The following BABAM2 variants were observed in gnomAD, a reference collection of about 807,000 sequenced individuals.
The protein encoded by BABAM2 is BRISC and BRCA1 A complex member 2, also known as BRISC and BRCA1-A complex member 2.
A neutral mutation model predicts 54.7 loss-of-function variants in BABAM2; 31 were observed. That is an observed-to-expected ratio of 0.57 (90% confidence interval 0.43 to 0.77). The LOEUF is 0.77. BABAM2 is among the 30% of genes least tolerant of loss of function. The pLI, the probability that BABAM2 is intolerant of heterozygous loss-of-function variation, is 0.00. For missense variants in BABAM2, 364 were observed against 455.8 expected, an observed-to-expected ratio of 0.80 and a Z score of 1.83; for synonymous variants, 167 against 162.9, an observed-to-expected ratio of 1.03 and a Z score of -0.19.
intron 3 of BABAM2, among the ~76,000 whole-genome samples, chr2:27,955,486 G>A (rs1436305817): frequency 6.6e-6 from 1 of 152,124 alleles, no homozygotes; most frequent in East Asian, 1.9e-4. Flanking sequence ...TACTCTGATC[G>A]TTTTGTTGGT....
At chr2:28,139,535 C>G (rs1670865337) in intron 7 of BABAM2, among the ~76,000 whole-genome samples, 1 of 151,876 alleles carries the variant, frequency 6.6e-6, no homozygotes, top group Non-Finnish European at 1.5e-5. Flanking sequence ...CACCACTGCA[C>G]TCCAGCCTGG....
chr2:27,889,924 G>C (rs755424207), upstream of BABAM2: 2 of 264,776 alleles, frequency 7.6e-6, no homozygotes, highest in Non-Finnish European at 1.4e-5. Context: ...AAGTTCCCTG[G>C]CTCGTTTGGG....
chr2:28,012,296 C>T (rs1331795879), intron 4 of BABAM2, among the ~76,000 whole-genome samples: 1 of 152,164 alleles, frequency 6.6e-6, no homozygotes, highest in Non-Finnish European at 1.5e-5. Flanking sequence ...TCTGCCATTG[C>T]CTTTCATTCT....
chr2:28,315,199 C>T (rs935352221), intron 11 of BABAM2, among the ~76,000 whole-genome samples: 1 of 151,920 alleles, frequency 6.6e-6, no homozygotes, highest in African/African-American at 2.4e-5. Flanking sequence ...AGCTGGAATT[C>T]AAGTCCTTGT....
At chr2:27,911,951 A>G (rs1666636135) in intron 2 of BABAM2, among the ~76,000 whole-genome samples, 1 of 152,152 alleles carries the variant, frequency 6.6e-6, no homozygotes, top group Admixed American at 6.5e-5. Flanking sequence ...TACTTTGCCT[A>G]CACTATACCC....
chr2:28,071,300 A>T (rs1464987011), intron 6 of BABAM2, among the ~76,000 whole-genome samples: 1 of 151,526 alleles, frequency 6.6e-6, no homozygotes, highest in African/African-American at 2.4e-5. Context: ...TCGTTTTGTT[A>T]TTATTGTTGT....
At chr2:28,093,069 A>G (rs564024444) in intron 6 of BABAM2, among the ~76,000 whole-genome samples, 1 of 152,232 alleles carries the variant, frequency 6.6e-6, no homozygotes, top group South Asian at 2.1e-4. Flanking sequence ...CATTAGTCTC[A>G]TTGAATTTTA....
At chr2:28,049,260 T>A (rs936920841) in intron 6 of BABAM2, among the ~76,000 whole-genome samples, 2 of 152,240 alleles carry the variant, frequency 1.3e-5, no homozygotes, top group Non-Finnish European at 2.9e-5. Context: ...CAAATTGTTT[T>A]ATCCCACTGA....
chr2:27,889,986 G>C (rs1333804865), upstream of BABAM2: 4 of 356,922 alleles, frequency 1.1e-5, no homozygotes, highest in Non-Finnish European at 2.0e-5. Context: ...CAAGTCTTTG[G>C]AGGGCAGGTC....
chr2:27,960,540 A>G (rs1670393331), intron 3 of BABAM2, among the ~76,000 whole-genome samples: 1 of 152,150 alleles, frequency 6.6e-6, no homozygotes, highest in African/African-American at 2.4e-5. Context: ...GCTGTGCCAC[A>G]TCAGCCTTAA....
At chr2:28,090,559 T>C (rs1400328988) in intron 6 of BABAM2, among the ~76,000 whole-genome samples, 1 of 152,196 alleles carries the variant, frequency 6.6e-6, no homozygotes, top group Non-Finnish European at 1.5e-5. Context: ...GCTGTTGTTT[T>C]CATGTCCGTA....
chr2:28,226,916 A>AC (rs1182702612), intron 7 of BABAM2, among the ~76,000 whole-genome samples: 1 of 152,084 alleles, frequency 6.6e-6, no homozygotes, highest in African/African-American at 2.4e-5. Flanking sequence ...GTCAGCAATG[A>AC]CAGAGGTTTT....
At chr2:28,313,878 T>C (rs181473284) in intron 11 of BABAM2, among the ~76,000 whole-genome samples, 1 of 152,342 alleles carries the variant, frequency 6.6e-6, no homozygotes, top group East Asian at 1.9e-4. Flanking sequence ...ACAGTGAGGC[T>C]GTCCACGGCA....
intron 5 of BABAM2, among the ~76,000 whole-genome samples, chr2:28,044,163 T>G (rs1430690148): frequency 6.6e-6 from 1 of 152,224 alleles, no homozygotes; most frequent in African/African-American, 2.4e-5. Context: ...TATTATTATC[T>G]TCAGAGCTCA....
At chr2:28,089,694 T>C (rs570416521) in intron 6 of BABAM2, among the ~76,000 whole-genome samples, 1 of 152,214 alleles carries the variant, frequency 6.6e-6, no homozygotes, top group Non-Finnish European at 1.5e-5. Context: ...TCAATAAAGG[T>C]CCTCTGATTT....
At chr2:27,960,885 G>A (rs1173583567) in intron 3 of BABAM2, among the ~76,000 whole-genome samples, 1 of 152,148 alleles carries the variant, frequency 6.6e-6, no homozygotes, top group Admixed American at 6.6e-5. Flanking sequence ...TAGTAGATAA[G>A]AGCAAATCAA....
At chr2:28,282,857 G>A (rs1686480901) in intron 10 of BABAM2, among the ~76,000 whole-genome samples, 2 of 151,742 alleles carry the variant, frequency 1.3e-5, no homozygotes, top group Non-Finnish European at 2.9e-5. Flanking sequence ...AAATTAGCTG[G>A]GCATGGTGGT....
rs542271175 is a variant in BABAM2 at position 28,076,868 on chromosome 2, T to C, written c.570+31069T>C. Reference sequence around the variant, plus strand: ...TCTCTTTTTACTTTGTATAAAGATATTTCTGTACCATGCACTCTTTAAGGA... The same window carrying C: ...TCTCTTTTTACTTTGTATAAAGATACTTCTGTACCATGCACTCTTTAAGGA... On this transcript the variant is annotated intron_variant, in intron 6 of 11. Coordinates refer to ENST00000379624, the MANE Select transcript of BABAM2 (RefSeq NM_199191.3). Among the ~76,000 whole-genome samples the C allele has an allele frequency of 8.5e-5, 13 of 152,316 alleles. No individual in the cohort carries two copies. In the South Asian group the frequency reaches 1.0e-3, roughly 12 times the overall value.
intron 11 of BABAM2, among the ~76,000 whole-genome samples, chr2:28,315,385 G>A (rs1689443191): frequency 1.3e-5 from 2 of 150,798 alleles, no homozygotes; most frequent in African/African-American, 4.9e-5. Flanking sequence ...TTTTTTTTCT[G>A]TAGGCAGTAA....
Sources: gnomAD v4.1 joint callset for allele counts (sites outside exome capture counted in the v4.1 genomes callset) on GRCh38, gnomAD v4.1.1 for gene constraint, MANE v1.5 for transcripts, NCBI Gene and HGNC (gene_info 2026-07-23, HGNC 2026-07-21) for gene names.